Variants in CNTNAP2 observed in about 807,000 individuals in gnomAD.
CNTNAP2 encodes the protein contactin associated protein 2.
CNTNAP2 carries 98 observed loss-of-function variants against 155.2 expected under a neutral mutation model. The observed-to-expected ratio is 0.63, with a 90% CI of 0.54 to 0.75. The LOEUF (loss-of-function observed/expected upper bound fraction) is 0.75. CNTNAP2 is among the 30% of genes least tolerant of loss of function. The pLI, the probability that CNTNAP2 is intolerant of heterozygous loss-of-function variation, is 0.00. For missense variants in CNTNAP2, 1,727 were observed against 1,688.1 expected (o/e 1.02, Z -0.40); for synonymous variants, 651 against 631.2 (o/e 1.03, Z -0.47).
chr7:147,870,783 T>C (rs1355469829), intron 13 of CNTNAP2, among the ~76,000 whole-genome samples: 3 of 152,116 alleles, frequency 2.0e-5, no homozygotes, highest in Non-Finnish European at 4.4e-5. Flanking sequence ...AAATGGAACA[T>C]AAGGAGGATG....
chr7:148,328,976 GAAAAAAAAAAAAAAA>G (rs71188969), intron 21 of CNTNAP2, among the ~76,000 whole-genome samples: 2 of 69,260 alleles, frequency 2.9e-5, no homozygotes, highest in African/African-American at 1.1e-4. Context: ...ACTCTGTCTG[GAAAAAAAAAAAAAAA>G]AAAAAAAAAG....
At chr7:146,453,552 T>G (rs1170616313) in intron 1 of CNTNAP2, among the ~76,000 whole-genome samples, 3 of 152,132 alleles carry the variant, frequency 2.0e-5, no homozygotes, top group Non-Finnish European at 2.9e-5. Flanking sequence ...AAGTATGAAC[T>G]AAGCAGGAAA....
At chr7:148,259,302 G>A (rs986389135) in intron 20 of CNTNAP2, among the ~76,000 whole-genome samples, 1 of 148,258 alleles carries the variant, frequency 6.7e-6, no homozygotes, top group African/African-American at 2.5e-5. Context: ...TCTGCAGTGA[G>A]CTGTGACTGC....
chr7:146,895,614 G>T (rs1165687212), intron 3 of CNTNAP2, among the ~76,000 whole-genome samples: 2 of 151,976 alleles, frequency 1.3e-5, no homozygotes. Context: ...TATTTATGGG[G>T]TACATCTATG....
chr7:146,573,728 C>T (rs549197480), intron 1 of CNTNAP2, among the ~76,000 whole-genome samples: 2 of 152,252 alleles, frequency 1.3e-5, no homozygotes, highest in South Asian at 2.1e-4. Context: ...GAGGATTTTG[C>T]GTTCCTGAGC....
intron 11 of CNTNAP2, among the ~76,000 whole-genome samples, chr7:147,507,981 T>C (rs1798942382): frequency 6.6e-6 from 1 of 152,176 alleles, no homozygotes; most frequent in Admixed American, 6.5e-5. Context: ...TGTCCTCCAG[T>C]AGTGGTGCTC....
At chr7:146,644,536 G>C (rs1170209494) in intron 1 of CNTNAP2, among the ~76,000 whole-genome samples, 5 of 152,056 alleles carry the variant, frequency 3.3e-5, no homozygotes, top group Admixed American at 3.3e-4. Flanking sequence ...GGTTTTTGAT[G>C]TGCTGCTGGA....
At chr7:147,832,860 T>C (rs1798575479) in intron 13 of CNTNAP2, among the ~76,000 whole-genome samples, 1 of 148,132 alleles carries the variant, frequency 6.8e-6, no homozygotes, top group African/African-American at 2.5e-5. Context: ...TATTTATACA[T>C]ATTTTATATG....
intron 13 of CNTNAP2, among the ~76,000 whole-genome samples, chr7:147,738,501 T>TA (rs1237352914): frequency 2.0e-5 from 3 of 152,210 alleles, no homozygotes; most frequent in African/African-American, 7.2e-5. Context: ...GCAAGACCCT[T>TA]CACTAGGAAA....
At chr7:147,914,694 C>T (rs1356828767) in intron 14 of CNTNAP2, among the ~76,000 whole-genome samples, 2 of 152,106 alleles carry the variant, frequency 1.3e-5, no homozygotes, top group African/African-American at 2.4e-5. Context: ...GGACTATAGG[C>T]ACAAACCACC....
intron 13 of CNTNAP2, among the ~76,000 whole-genome samples, chr7:147,674,031 G>A (rs1795829194): frequency 6.6e-6 from 1 of 152,078 alleles, no homozygotes; most frequent in Non-Finnish European, 1.5e-5. Flanking sequence ...GGCTGTTTGG[G>A]AGAGGTGTAA....
At position 147,300,272 on chromosome 7, in the gene CNTNAP2, G is replaced by A. The variant is rs149032771; in HGVS notation, c.1480G>A (p.Glu494Lys). ...TNSPLQVKTG[E>K]KYFFGGFLNQ... ...TAGTCCCCTTCAAGTTAAAACTGGC[G>A]AGAAGTACTTTTTTGGAGGTAAGAA... Residue 494 changes from glutamate to lysine, a missense_variant, in exon 9 of 24, where the codon GAG becomes AAG. Glu to Lys is a moderately conservative substitution (Grantham distance 56). Coordinates refer to ENST00000361727, the MANE Select transcript of CNTNAP2 (RefSeq NM_014141.6). 128 of 1,613,806 alleles carry A rather than the reference G, an allele frequency of 7.9e-5. No homozygotes were observed. Among genetic ancestry groups the A allele is most frequent in the South Asian group, 7.5e-4 (68 of 91,074 alleles).
intron 8 of CNTNAP2, among the ~76,000 whole-genome samples, chr7:147,178,852 A>ACGG (rs1483983162): frequency 2.4e-3 from 371 of 152,276 alleles, no homozygotes; most frequent in African/African-American, 8.5e-3. Flanking sequence ...AGTAGTTATT[A>ACGG]TTTTTAAATT....
intron 8 of CNTNAP2, among the ~76,000 whole-genome samples, chr7:147,255,456 G>A (rs750406895): frequency 1.1e-4 from 17 of 151,794 alleles, no homozygotes; most frequent in Non-Finnish European, 1.6e-4. Flanking sequence ...TCCTGACCTC[G>A]AGTGATCTGC....
chr7:147,126,817 T>C (rs931269927), intron 6 of CNTNAP2, among the ~76,000 whole-genome samples: 2 of 152,178 alleles, frequency 1.3e-5, no homozygotes, highest in Non-Finnish European at 2.9e-5. Flanking sequence ...GACAACCTAA[T>C]ATCCTATAAT....
intron 14 of CNTNAP2, among the ~76,000 whole-genome samples, chr7:147,955,723 G>A (rs1801008283): frequency 6.6e-6 from 1 of 152,172 alleles, no homozygotes; most frequent in African/African-American, 2.4e-5. Context: ...GATCGGAAAT[G>A]TCTCCTGTTG....
At chr7:147,343,983 A>G (rs569878323) in intron 9 of CNTNAP2, among the ~76,000 whole-genome samples, 41 of 152,292 alleles carry the variant, frequency 2.7e-4, no homozygotes, top group Middle Eastern at 3.4e-3. Flanking sequence ...CCTATCAAAC[A>G]TATCACATGT....
intron 2 of CNTNAP2, 114 bp downstream of exon 2, chr7:146,774,495 C>T (rs561826203): frequency 1.4e-6 from 1 of 727,172 alleles, no homozygotes; most frequent in South Asian, 1.5e-5. Context: ...CCAGAAATCA[C>T]TCCTGCCACT....
At chr7:147,638,841 CTTT>C (rs71874555) in intron 12 of CNTNAP2, 28 of 508,414 alleles carry the variant, frequency 5.5e-5, no homozygotes, top group Admixed American at 9.4e-5. Flanking sequence ...GATACAAAAG[CTTT>C]TTTTTTTTTT....
Sources: gnomAD v4.1 joint callset for allele counts (sites outside exome capture counted in the v4.1 genomes callset) on GRCh38, gnomAD v4.1.1 for gene constraint, MANE v1.5 for transcripts, NCBI Gene and HGNC (gene_info 2026-07-23, HGNC 2026-07-21) for gene names.